Variants in MOXD1 observed in about 807,000 individuals in gnomAD.
MOXD1 encodes the protein DBH-like monooxygenase protein 1.
Under a neutral mutation model 66.6 loss-of-function variants are expected in MOXD1, and 62 were observed. The ratio of observed to expected loss-of-function variants is 0.93; its 90% CI spans 0.76 to 1.15. MOXD1 has a LOEUF of 1.15. Among genes scored for constraint, MOXD1 ranks in the 50% most tolerant of loss-of-function variants. The pLI is 0.00. For missense variants in MOXD1, 847 were observed against 754.6 expected (o/e 1.12, Z -1.44); for synonymous variants, 303 against 281.9 (o/e 1.07, Z -0.75).
chr6:132,377,774 T>A (rs1358293155), intron 1 of MOXD1, among the ~76,000 whole-genome samples: 2 of 152,216 alleles, frequency 1.3e-5, no homozygotes, highest in East Asian at 1.9e-4. Context: ...TATGGTTGGA[T>A]CTTATTTGAA....
At chr6:132,349,409 A>G (rs76672334) in intron 4 of MOXD1, among the ~76,000 whole-genome samples, 1,903 of 14,308 alleles carry the variant, frequency 0.13, 171 homozygotes, top group Middle Eastern at 0.29. Context: ...ATATATACAT[A>G]TATATATATA....
chr6:132,299,483 C>T, intron 10 of MOXD1, among the ~76,000 whole-genome samples: 1 of 152,048 alleles, frequency 6.6e-6, no homozygotes, highest in East Asian at 1.9e-4. Flanking sequence ...ATAGAATACA[C>T]TCTGCCTTCA....
chr6:132,399,209 T>G (rs1776966177), intron 1 of MOXD1, among the ~76,000 whole-genome samples: 1 of 152,200 alleles, frequency 6.6e-6, no homozygotes, highest in Admixed American at 6.5e-5. Context: ...TTTTAATGCA[T>G]TTTATATGTC....
rs188319215 is a variant in MOXD1 at position 132,351,884 on chromosome 6, A to G, written c.663+20724T>C. 2.9e-3 allele frequency among the ~76,000 whole-genome samples: 435 copies of G among 152,292 alleles called. 1 individual carries two copies. The highest frequency in any genetic ancestry group is 0.01 in the African/African-American group (416 of 41,570). On this transcript the variant is annotated intron_variant, in intron 4 of 11. Coordinates refer to ENST00000367963, the MANE Select transcript of MOXD1 (RefSeq NM_015529.4). The stretch of plus-strand genomic sequence containing the variant: ...GAGAGTTGTATTTTTCCAGAAATTT[A>G]TCCATCTCTTCTAGGTTTTCTAGTT...
intron 1 of MOXD1, among the ~76,000 whole-genome samples, chr6:132,396,355 A>C (rs981349430): frequency 9.9e-5 from 15 of 152,156 alleles, no homozygotes; most frequent in African/African-American, 3.6e-4. Flanking sequence ...AACATAACAT[A>C]TCAAAACCTA....
intron 4 of MOXD1, among the ~76,000 whole-genome samples, chr6:132,347,587 G>A (rs552539022): frequency 6.6e-6 from 1 of 151,874 alleles, no homozygotes; most frequent in South Asian, 2.1e-4. Flanking sequence ...TGAGGCAGGA[G>A]AATCGCTTGA....
chr6:132,364,521 C>A (rs1776076567), intron 4 of MOXD1, among the ~76,000 whole-genome samples: 2 of 152,122 alleles, frequency 1.3e-5, no homozygotes, highest in African/African-American at 4.8e-5. Context: ...TTAGTCTTCC[C>A]AAGGTTATCC....
In MOXD1 at chr6:132,297,111, T is replaced by G. The variant is rs766397740; in HGVS notation, c.*42A>C. On this transcript the variant is annotated 3_prime_UTR_variant, in exon 12 of 12. Coordinates refer to ENST00000367963, the MANE Select transcript of MOXD1 (RefSeq NM_015529.4). ...TTTAACCTGTACTTCAAATGACAGG[T>G]TCAGATCATAGAAAACATTGTCAAG... The G allele has an allele frequency of 3.8e-6, 6 of 1,598,376 alleles. No homozygotes were observed. The highest frequency in any genetic ancestry group is 5.1e-6 in the Non-Finnish European group (6 of 1,168,474).
At chr6:132,356,868 C>T (rs563563194) in intron 4 of MOXD1, among the ~76,000 whole-genome samples, 6 of 151,898 alleles carry the variant, frequency 4.0e-5, no homozygotes, top group South Asian at 2.1e-4. Context: ...TAGAAAAATA[C>T]AAATAAATCT....
chr6:132,341,553 C>T (rs557721384), intron 4 of MOXD1, among the ~76,000 whole-genome samples: 2 of 152,146 alleles, frequency 1.3e-5, no homozygotes, highest in South Asian at 2.1e-4. Flanking sequence ...CCACACTGCC[C>T]GTCCTGTAGC....
rs117136170 is a variant in MOXD1 at position 132,395,861 on chromosome 6, A to G, written c.264+5302T>C. Reference sequence around the variant, plus strand: ...AGAAATACAACAATTCTAAATACATATGCACTCAACACCAAAACACCCAGA... The same window carrying G: ...AGAAATACAACAATTCTAAATACATGTGCACTCAACACCAAAACACCCAGA... On this transcript the variant is annotated intron_variant, in intron 1 of 11. Coordinates refer to ENST00000367963, the MANE Select transcript of MOXD1 (RefSeq NM_015529.4). Among the ~76,000 whole-genome samples, 22 of 152,340 alleles carry G rather than the reference A, an allele frequency of 1.4e-4. No individual in the cohort carries two copies. In the East Asian group the frequency reaches 3.9e-3, roughly 27 times the overall value.
intron 6 of MOXD1, among the ~76,000 whole-genome samples, chr6:132,327,088 C>T (rs1437954889): frequency 2.6e-5 from 4 of 152,154 alleles, no homozygotes; most frequent in Non-Finnish European, 5.9e-5. Flanking sequence ...TTCTTCACTG[C>T]ACCCTAACCC....
chr6:132,366,810 C>G (rs1776151199), intron 4 of MOXD1, among the ~76,000 whole-genome samples: 1 of 152,076 alleles, frequency 6.6e-6, no homozygotes, highest in Non-Finnish European at 1.5e-5. Flanking sequence ...TTGTATTAAG[C>G]CTAACGTTCA....
intron 4 of MOXD1, 72 bp from the exon 5 acceptor site, chr6:132,328,666 A>C: frequency 7.3e-7 from 1 of 1,377,908 alleles, no homozygotes; most frequent in Non-Finnish European, 1.0e-6. Flanking sequence ...ACAAACGTGA[A>C]ACTAGCATAA....
chr6:132,369,965 G>A (rs377039207), intron 4 of MOXD1, among the ~76,000 whole-genome samples: 7 of 152,004 alleles, frequency 4.6e-5, no homozygotes, highest in African/African-American at 9.7e-5. Flanking sequence ...TTCTTTGTGC[G>A]AATTAGACAC....
At chr6:132,368,169 A>G (rs1258089826) in intron 4 of MOXD1, among the ~76,000 whole-genome samples, 1 of 152,106 alleles carries the variant, frequency 6.6e-6, no homozygotes, top group Non-Finnish European at 1.5e-5. Context: ...AGCAAAGTAT[A>G]TCCAACCACG....
At chr6:132,312,460 C>G (rs866973997) in intron 10 of MOXD1, among the ~76,000 whole-genome samples, 1 of 152,108 alleles carries the variant, frequency 6.6e-6, no homozygotes, top group Non-Finnish European at 1.5e-5. Context: ...TTGGCCTTCA[C>G]TATCACTTAT....
intron 4 of MOXD1, among the ~76,000 whole-genome samples, chr6:132,342,355 A>G (rs1040482390): frequency 3.3e-5 from 5 of 152,226 alleles, no homozygotes; most frequent in Non-Finnish European, 7.3e-5. Context: ...CTAGCACATA[A>G]TTTGTTGTAA....
intron 10 of MOXD1, among the ~76,000 whole-genome samples, chr6:132,301,186 A>C (rs568336964): frequency 7.5e-4 from 92 of 122,784 alleles, no homozygotes; most frequent in Admixed American, 1.8e-3. Context: ...ACATACATGT[A>C]AACGAATGGT....
Sources: gnomAD v4.1 joint callset for allele counts (sites outside exome capture counted in the v4.1 genomes callset) on GRCh38, gnomAD v4.1.1 for gene constraint, MANE v1.5 for transcripts, NCBI Gene and HGNC (gene_info 2026-07-23, HGNC 2026-07-21) for gene names.